SSX2IP: variants seen among roughly 807,000 people sequenced by gnomAD.
SSX2IP encodes afadin- and alpha-actinin-binding protein.
A neutral mutation model predicts 84.9 loss-of-function variants in SSX2IP; 55 were observed. The observed-to-expected ratio is 0.65, with a 90% CI of 0.52 to 0.81. The LOEUF (loss-of-function observed/expected upper bound fraction) is 0.81, where lower values mean the gene tolerates loss of function less well. SSX2IP is among the 30% of genes least tolerant of loss of function. The pLI is 0.00. For synonymous variants in SSX2IP, 239 were observed against 234.7 expected (o/e 1.02, Z -0.17); for missense variants, 664 against 705.2 (o/e 0.94, Z 0.66).
At chr1:84,685,160 C>G (rs1655610270) in intron 1 of SSX2IP, among the ~76,000 whole-genome samples, 1 of 152,212 alleles carries the variant, frequency 6.6e-6, no homozygotes, top group Admixed American at 6.5e-5. Context: ...TCAAACAATT[C>G]TAAATTCTAC....
At chr1:84,682,981 CTTT>C (rs1655290708) in intron 1 of SSX2IP, among the ~76,000 whole-genome samples, 1 of 106,092 alleles carries the variant, frequency 9.4e-6, no homozygotes, top group Non-Finnish European at 2.5e-5. Flanking sequence ...GATCCAAATA[CTTT>C]CCCCCATTAC....
At chr1:84,672,156 A>G (rs1288869549) in intron 1 of SSX2IP, among the ~76,000 whole-genome samples, 1 of 152,158 alleles carries the variant, frequency 6.6e-6, no homozygotes, top group African/African-American at 2.4e-5. Flanking sequence ...TTTCTCCATC[A>G]TAAGAAAAAC....
intron 4 of SSX2IP, among the ~76,000 whole-genome samples, chr1:84,669,351 T>C (rs1297769284): frequency 1.3e-5 from 2 of 152,088 alleles, no homozygotes; most frequent in Admixed American, 6.6e-5. Context: ...CCTCTTACAA[T>C]AAGACTTTTA....
At chr1:84,689,570 G>C (rs1357637401) in intron 1 of SSX2IP, among the ~76,000 whole-genome samples, 2 of 152,176 alleles carry the variant, frequency 1.3e-5, no homozygotes, top group Non-Finnish European at 2.9e-5. Flanking sequence ...ATCGCAGTTT[G>C]GCATTTACAA....
At chr1:84,675,497 C>G (rs948606484) in intron 1 of SSX2IP, among the ~76,000 whole-genome samples, 2 of 152,188 alleles carry the variant, frequency 1.3e-5, no homozygotes, top group Non-Finnish European at 2.9e-5. Context: ...CATTTTATTC[C>G]TAAATAAAAT....
intron 4 of SSX2IP, among the ~76,000 whole-genome samples, chr1:84,668,150 AAC>A (rs1229736605): frequency 2.0e-5 from 3 of 152,300 alleles, no homozygotes; most frequent in Non-Finnish European, 4.4e-5. Flanking sequence ...ATCCTGAAGA[AAC>A]AGTCTCTGCT....
intron 11 of SSX2IP, chr1:84,655,418 CAA>C (rs1360401855): frequency 9.3e-6 from 12 of 1,287,718 alleles, no homozygotes; most frequent in Non-Finnish European, 1.2e-5. Context: ...GTATATATAA[CAA>C]TGATGGACTG....
intron 8 of SSX2IP, 89 bp downstream of exon 8, chr1:84,662,109 T>C (rs1466699811): frequency 1.2e-6 from 1 of 822,080 alleles, no homozygotes; most frequent in Non-Finnish European, 1.9e-6. Context: ...AAAATACCAA[T>C]AGTGTCCCCA....
At chr1:84,667,404 CACT>C (rs1652921668) in intron 4 of SSX2IP, among the ~76,000 whole-genome samples, 1 of 152,098 alleles carries the variant, frequency 6.6e-6, no homozygotes, top group African/African-American at 2.4e-5. Flanking sequence ...TTCCCATTAG[CACT>C]ACCTTAGTTC....
chr1:84,649,503 T>A (rs1649917412), intron 13 of SSX2IP: 1 of 153,422 alleles, frequency 6.5e-6, no homozygotes, highest in Non-Finnish European at 1.4e-5. Context: ...TTAAACTCCA[T>A]CTATTTCATA....
rs139023868 is a variant in SSX2IP at position 84,650,506 on chromosome 1, A to G, written c.1526T>C (p.Ile509Thr). 25 of 1,614,186 alleles carry G rather than the reference A, an allele frequency of 1.5e-5. No homozygotes were observed. The highest frequency in any genetic ancestry group is 8.8e-5 in the South Asian group (8 of 91,082). Residue 509 changes from isoleucine to threonine, a missense_variant, in exon 13 of 14, where the codon ATA becomes ACA. Physicochemically the swap from Ile to Thr is moderately conservative, Grantham distance 89 (BLOSUM62 -1). Transcript: ENST00000342203. Reference sequence around the variant, plus strand: ...CTTTTGCGGCTGCCTCGAGTGCACTATAAGATTGTCCCAATCAGAACCTGT... The same window carrying G: ...CTTTTGCGGCTGCCTCGAGTGCACTGTAAGATTGTCCCAATCAGAACCTGT... The part of the protein sequence containing the change: ...FSGSSDWDNL[I>T]VHSRQPQKKP...
intron 1 of SSX2IP, among the ~76,000 whole-genome samples, chr1:84,685,994 C>T (rs537308765): frequency 6.6e-6 from 1 of 152,092 alleles, no homozygotes; most frequent in African/African-American, 2.4e-5. Context: ...GCTCTATATA[C>T]GATTTCAAAA....
rs780875376 is a variant in SSX2IP, at chr1:84,670,792, T to TA, written c.66dup (p.Thr23TyrfsTer39). The TA allele has an allele frequency of 6.2e-7, 1 of 1,610,150 alleles. No individual in the cohort carries two copies. Among genetic ancestry groups the TA allele is most frequent in the African/African-American group, 1.3e-5 (1 of 74,912 alleles). On this transcript the variant is annotated frameshift_variant, in exon 3 of 14. Transcript: ENST00000342203. LOFTEE classifies it high-confidence loss of function. Reference sequence around the variant, plus strand: ...GATGGAGACATCTTTGTTTCTGAGGTATATTGAGAGATAGTTTTGCTTTCT... The same window carrying TA: ...GATGGAGACATCTTTGTTTCTGAGGTAATATTGAGAGATAGTTTTGCTTTCT...
intron 12 of SSX2IP, 38 bp downstream of exon 12, chr1:84,651,845 T>A (rs755986383): frequency 3.3e-6 from 4 of 1,213,926 alleles, no homozygotes; most frequent in Non-Finnish European, 4.8e-6. Context: ...ATTTTATTTA[T>A]ATGCATGTTC....
At chr1:84,653,129 C>A (rs946715321) in intron 11 of SSX2IP, among the ~76,000 whole-genome samples, 1 of 152,062 alleles carries the variant, frequency 6.6e-6, no homozygotes, top group Admixed American at 6.5e-5. Context: ...ATAAACCAAC[C>A]ATCACTGTCT....
intron 1 of SSX2IP, among the ~76,000 whole-genome samples, chr1:84,689,703 C>G (rs1320581097): frequency 6.6e-6 from 1 of 152,136 alleles, no homozygotes; most frequent in East Asian, 1.9e-4. Flanking sequence ...AGCATAGGCT[C>G]AAAAAATGTG....
intron 9 of SSX2IP, among the ~76,000 whole-genome samples, chr1:84,657,823 C>G (rs184391520): frequency 1.7e-4 from 26 of 152,294 alleles, no homozygotes; most frequent in Admixed American, 1.5e-3. Context: ...GAGGTTCAAA[C>G]CTCACATCTA....
At chr1:84,658,214 T>C in intron 9 of SSX2IP, 104 bp downstream of exon 9, 3 of 1,247,532 alleles carry the variant, frequency 2.4e-6, no homozygotes, top group Non-Finnish European at 3.4e-6. Context: ...AACTGAAGTA[T>C]AGTACTTTAG....
At position 84,663,184 on chromosome 1, in the gene SSX2IP, C is replaced by T. The variant is rs1652276767; in HGVS notation, c.674-654G>A. ...AGTAATATCTTCTGCTGCAGGTGGA[C>T]ATGGAAACATTTGGCGTAAAAAGGA... is the stretch of plus-strand genomic sequence containing the variant. On this transcript the variant is annotated intron_variant, in intron 6 of 13. Transcript: ENST00000342203. Among the ~76,000 whole-genome samples, 2 of 151,978 alleles carry T rather than the reference C, an allele frequency of 1.3e-5. 1 individual carries two copies. Among genetic ancestry groups the T allele is most frequent in the South Asian group, 4.2e-4 (2 of 4,808 alleles).
Sources: allele counts gnomAD v4.1 joint callset (sites outside exome capture counted in the v4.1 genomes callset), GRCh38; gene constraint gnomAD v4.1.1; transcripts MANE v1.5; gene names NCBI Gene and HGNC (gene_info 2026-07-23, HGNC 2026-07-21).